Variants in IL6 observed in about 807,000 individuals in gnomAD.
The protein encoded by IL6 is interleukin-6.
Under a neutral mutation model 18.0 loss-of-function variants are expected in IL6, and 5 were observed. The observed-to-expected ratio is 0.28, with a 90% confidence interval of 0.15 to 0.58. The LOEUF (loss-of-function observed/expected upper bound fraction) is 0.58, where lower values mean the gene tolerates loss of function less well. IL6 is among the 20% of genes least tolerant of loss of function. The pLI is 0.90. For synonymous variants in IL6, 97 were observed against 95.1 expected (o/e 1.02, Z -0.12); for missense variants, 266 against 251.0 (o/e 1.06, Z -0.40).
At chr7:22,729,730 T>G (rs752190332) in intron 4 of IL6, 70 bp downstream of exon 4, 10 of 1,611,402 alleles carry the variant, frequency 6.2e-6, no homozygotes, top group Non-Finnish European at 8.5e-6. Flanking sequence ...CCTGGACAAC[T>G]CAGGGATGCA....
At chr7:22,730,991 T>A (rs2128174934) in intron 4 of IL6, among the ~76,000 whole-genome samples, 1 of 152,162 alleles carries the variant, frequency 6.6e-6, no homozygotes, top group South Asian at 2.1e-4. Flanking sequence ...ATCCCAGCGC[T>A]ATGGGAGGCT....
intron 4 of IL6, chr7:22,729,868 CTG>C: frequency 6.8e-7 from 1 of 1,463,984 alleles, no homozygotes; most frequent in East Asian, 2.5e-5. Flanking sequence ...ACATCAATAA[CTG>C]TATTTTAAAC....
intron 4 of IL6, among the ~76,000 whole-genome samples, chr7:22,731,039 C>T (rs1181186977): frequency 1.3e-5 from 2 of 151,974 alleles, no homozygotes; most frequent in African/African-American, 2.4e-5. Context: ...AGTTTAAGAC[C>T]AGCCTGGTCA....
At chr7:22,727,845 G>C (rs147610740) in intron 2 of IL6, among the ~76,000 whole-genome samples, 68 of 152,260 alleles carry the variant, frequency 4.5e-4, no homozygotes, top group African/African-American at 1.5e-3. Flanking sequence ...ATGCAGAATG[G>C]GTCTGAAATC....
At chr7:22,727,825 T>C (rs1254183247) in intron 2 of IL6, among the ~76,000 whole-genome samples, 191 bp downstream of exon 2, 6 of 152,318 alleles carry the variant, frequency 3.9e-5, no homozygotes, top group African/African-American at 1.4e-4. Context: ...GTTCCTTTCC[T>C]TTCTGGAAAA....
In IL6 at chr7:22,731,612, T is replaced by A. The variant is rs779055090; in HGVS notation, c.*39T>A. On this transcript the variant is annotated 3_prime_UTR_variant, in exon 5 of 5. Transcript: ENST00000258743. ...GATTGTTGTTGTTAATGGGCATTCC[T>A]TCTTCTGGTCAGAAACCTGTCCACT... The A allele has an allele frequency of 1.7e-5, 26 of 1,509,812 alleles. No homozygotes were observed. The highest frequency in any genetic ancestry group is 1.9e-5 in the Non-Finnish European group (21 of 1,113,120). The allele number at this position is 1,509,812 out of a possible 1,614,324, so 93.5% of individuals were successfully genotyped here.
intron 4 of IL6, chr7:22,730,414 C>A: frequency 3.2e-6 from 1 of 316,786 alleles, no homozygotes; most frequent in Non-Finnish European, 4.6e-6. Flanking sequence ...GGCTTATATC[C>A]CTGGTGATGC....
Position 22,727,201 on chromosome 7 carries a change from T to C in IL6, c.-62T>C. ...TAGGACTGGAGATGTCTGAGGCTCA[T>C]TCTGCCCTCGAGCCCACCGGGAACG... On this transcript the variant is annotated 5_prime_UTR_variant, in exon 1 of 5. Coordinates refer to ENST00000258743, the MANE Select transcript of IL6 (RefSeq NM_000600.5). 6.3e-7 allele frequency: 1 copy of C among 1,592,016 alleles called. No individual in the cohort carries two copies. The highest frequency in any genetic ancestry group is 1.1e-5 in the South Asian group (1 of 90,464).
At chr7:22,730,162 C>T (rs1784099678) in intron 4 of IL6, 1 of 985,366 alleles carries the variant, frequency 1.0e-6, no homozygotes, top group Non-Finnish European at 1.2e-6. Context: ...AAGGCTTTGG[C>T]CACCAGTAGC....
intron 3 of IL6, 75 bp from the exon 4 acceptor site, chr7:22,729,439 C>T (rs1209557622): frequency 7.1e-6 from 10 of 1,415,900 alleles, no homozygotes; most frequent in Non-Finnish European, 9.8e-6. Context: ...AGATGTCGAA[C>T]TGTGGCAATT....
rs774472593 is a variant in IL6 at position 22,727,578 on chromosome 7, C to A, written c.154C>A (p.Arg52=). 4 of 1,590,434 alleles carry A rather than the reference C, an allele frequency of 2.5e-6. No individual in the cohort carries two copies. The South Asian group carries it at 4.6e-5, about 18-fold the overall frequency. ...PHRQPLTSSE[R]IDKQIRYILD... ...CAGACAGCCACTCACCTCTTCAGAA[C>A]GAATTGACAAACAAATTCGGTACAT... The change falls in exon 2 of 5, where the codon CGA becomes AGA. Residue 52 remains arginine, a synonymous_variant. Coordinates refer to ENST00000258743, the MANE Select transcript of IL6 (RefSeq NM_000600.5).
At position 22,729,658 on chromosome 7, in the gene IL6, A is replaced by G. The variant is rs1784087106; in HGVS notation, c.469A>G (p.Lys157Glu). 6.2e-7 allele frequency: 1 copy of G among 1,614,052 alleles called. No homozygotes were observed. The highest frequency in any genetic ancestry group is 8.5e-7 in the Non-Finnish European group (1 of 1,180,032). Residue 157 changes from lysine to glutamate, a missense_variant and splice_region_variant, in exon 4 of 5, where the codon AAG becomes GAG. Lys to Glu is a moderately conservative substitution (Grantham distance 56). Transcript: ENST00000258743. ...TKVLIQFLQK[K>E]AKNLDAITTP... ...AGTCCTGATCCAGTTCCTGCAGAAA[A>G]AGGTGGGTGTGTCCTCATTCCCTCA... is the stretch of plus-strand genomic sequence containing the variant.
chr7:22,729,436 G>C, intron 3 of IL6, 78 bp from the exon 4 acceptor site: 3 of 1,398,134 alleles, frequency 2.1e-6, no homozygotes, highest in East Asian at 2.3e-5. Context: ...AAAAGATGTC[G>C]AACTGTGGCA....
In IL6 at chr7:22,731,444, C is replaced by T; in HGVS notation, c.510C>T (p.Thr170=). 6.2e-7 allele frequency: 1 copy of T among 1,605,572 alleles called. No individual in the cohort carries two copies. Among genetic ancestry groups the T allele is most frequent in the Non-Finnish European group, 8.5e-7 (1 of 1,174,074 alleles). The change falls in exon 5 of 5, where the codon ACC becomes ACT. Residue 170 remains threonine, a synonymous_variant. Transcript: ENST00000258743. The part of the protein sequence containing the change: ...NLDAITTPDP[T]TNASLLTKLQ... The stretch of plus-strand genomic sequence containing the variant: ...ATGCAATAACCACCCCTGACCCAAC[C>T]ACAAATGCCAGCCTGCTGACGAAGC...
chr7:22,731,973 C>G lies in IL6; in HGVS notation c.*400C>G, dbSNP rs1784133403. 6.8e-6 allele frequency: 1 copy of G among 147,622 alleles called. No individual in the cohort carries two copies. The highest frequency in any genetic ancestry group is 6.8e-5 in the Admixed American group (1 of 14,674). 9.1% of individuals were successfully genotyped at this position (147,622 alleles called of 1,614,324 possible). On this transcript the variant is annotated 3_prime_UTR_variant, in exon 5 of 5. Transcript: ENST00000258743. ...TATAATGTATAAATGGTTTTTATACCAATAAATGGCATTTTAAAAAATTCA... is the reference window on the plus strand; with the variant it reads ...TATAATGTATAAATGGTTTTTATACGAATAAATGGCATTTTAAAAAATTCA...
intron 2 of IL6, 176 bp from the exon 3 acceptor site, chr7:22,728,517 G>A: frequency 1.7e-6 from 1 of 592,836 alleles, no homozygotes; most frequent in East Asian, 2.8e-5. Flanking sequence ...GGTGAGCTTG[G>A]AACTGAACCC....
intron 3 of IL6, 76 bp from the exon 4 acceptor site, chr7:22,729,438 A>G: frequency 7.1e-7 from 1 of 1,412,970 alleles, no homozygotes; most frequent in Non-Finnish European, 9.8e-7. Flanking sequence ...AAGATGTCGA[A>G]CTGTGGCAAT....
intron 3 of IL6, 143 bp downstream of exon 3, chr7:22,728,949 C>T (rs777630675): frequency 2.2e-5 from 14 of 636,054 alleles, no homozygotes; most frequent in Middle Eastern, 2.5e-4. Flanking sequence ...CATGAGGAGG[C>T]CAACTTCAAG....
Position 22,731,399 on chromosome 7 carries a change from C to G in IL6, c.472-7C>G. 6.4e-7 allele frequency: 1 copy of G among 1,562,444 alleles called. No homozygotes were observed. Among genetic ancestry groups the G allele is most frequent in the Non-Finnish European group, 8.7e-7 (1 of 1,146,418 alleles). On this transcript the variant is annotated splice_region_variant and splice_polypyrimidine_tract_variant and intron_variant, in intron 4 of 4. Transcript: ENST00000258743. ...AAACAATCCTTTTTACTTTCATTTT[C>G]CTTCAGGCAAAGAATCTAGATGCAA...
Sources: gnomAD v4.1 joint callset for allele counts (sites outside exome capture counted in the v4.1 genomes callset) on GRCh38, gnomAD v4.1.1 for gene constraint, MANE v1.5 for transcripts, NCBI Gene and HGNC (gene_info 2026-07-23, HGNC 2026-07-21) for gene names.